The following CAMK2D variants were observed in gnomAD, a reference collection of about 807,000 sequenced individuals.
CAMK2D encodes calcium/calmodulin-dependent protein kinase type II subunit delta.
Under a neutral mutation model 84.0 loss-of-function variants are expected in CAMK2D, and 37 were observed. The observed-to-expected ratio is 0.44, with a 90% confidence interval of 0.34 to 0.58. The LOEUF (loss-of-function observed/expected upper bound fraction) is 0.58, where lower values mean the gene tolerates loss of function less well. Among genes scored for constraint, CAMK2D ranks in the 20% least tolerant of loss-of-function variants. The pLI, the probability that CAMK2D is intolerant of heterozygous loss-of-function variation, is 0.02. For missense variants in CAMK2D, 448 were observed against 652.5 expected (o/e 0.69, Z 3.41); for synonymous variants, 202 against 212.5 (o/e 0.95, Z 0.43).
At position 113,500,468 on chromosome 4, in the gene CAMK2D, A is replaced by G; in HGVS notation, c.1130T>C (p.Val377Ala). Residue 377 changes from valine to alanine, a missense_variant, in exon 16 of 21, where the codon GTG (valine) becomes GCG (alanine). Around this residue, in one of 7 missense-constraint regions of CAMK2D, gnomAD observed 219 missense variants for 272.1 expected, o/e 0.80. Coordinates refer to ENST00000511664, the MANE Select transcript of CAMK2D (RefSeq NM_001321571.2). Reference sequence around the variant, plus strand: ...CATTTCTGGTTAAATCATACCTTTCACATCTTCATCCTCAATTGTTGTATT... The same window carrying G: ...CATTTCTGGTTAAATCATACCTTTCGCATCTTCATCCTCAATTGTTGTATT... ...SSNTTIEDED[V>A]KARKQEIIKV... 6.3e-7 allele frequency: 1 copy of G among 1,589,740 alleles called. No homozygotes were observed. The highest frequency in any genetic ancestry group is 1.1e-5 in the South Asian group (1 of 89,974).
chr4:113,508,159 C>T, intron 13 of CAMK2D: 1 of 1,038,892 alleles, frequency 9.6e-7, no homozygotes, highest in Non-Finnish European at 1.5e-6. Flanking sequence ...CTTACTTACA[C>T]TATCTTAGGT....
At chr4:113,604,007 T>C (rs1057145771) in intron 4 of CAMK2D, among the ~76,000 whole-genome samples, 18 of 151,860 alleles carry the variant, frequency 1.2e-4, no homozygotes, top group Admixed American at 1.0e-3. Context: ...TTTGATTTTT[T>C]AGAAAGTAAA....
intron 16 of CAMK2D, among the ~76,000 whole-genome samples, chr4:113,475,042 T>C (rs538209799): frequency 1.3e-5 from 2 of 152,380 alleles, no homozygotes; most frequent in Non-Finnish European, 2.9e-5. Context: ...TTTACAGTCA[T>C]GATAGTAGGT....
At chr4:113,745,633 T>C (rs946101690) in intron 2 of CAMK2D, among the ~76,000 whole-genome samples, 2 of 152,238 alleles carry the variant, frequency 1.3e-5, no homozygotes, top group Non-Finnish European at 2.9e-5. Flanking sequence ...ATAGTAGATA[T>C]AGGCTGTCAC....
At chr4:113,712,925 C>A (rs1028560185) in intron 2 of CAMK2D, among the ~76,000 whole-genome samples, 1 of 151,840 alleles carries the variant, frequency 6.6e-6, no homozygotes, top group Non-Finnish European at 1.5e-5. Flanking sequence ...ACATGTATAT[C>A]CACAAATATG....
intron 4 of CAMK2D, among the ~76,000 whole-genome samples, chr4:113,591,333 T>C (rs1022524934): frequency 1.2e-4 from 18 of 152,168 alleles, no homozygotes; most frequent in Non-Finnish European, 2.1e-4. Flanking sequence ...AATCAGATTA[T>C]TGTAGTTATT....
intron 4 of CAMK2D, among the ~76,000 whole-genome samples, chr4:113,569,025 C>A (rs761493955): frequency 2.0e-5 from 3 of 151,748 alleles, no homozygotes; most frequent in Non-Finnish European, 4.4e-5. Flanking sequence ...AATATTTTCT[C>A]CTATTCTATA....
chr4:113,661,665 A>T (rs1257605800), intron 3 of CAMK2D, 48 bp downstream of exon 3: 4 of 837,832 alleles, frequency 4.8e-6, no homozygotes, highest in Non-Finnish European at 5.5e-6. Context: ...GGTAAATAAC[A>T]TAAAATTTTA....
chr4:113,685,141 T>A (rs2099355971), intron 2 of CAMK2D, among the ~76,000 whole-genome samples: 1 of 151,992 alleles, frequency 6.6e-6, no homozygotes, highest in Admixed American at 6.6e-5. Flanking sequence ...TCTCCTAGCA[T>A]CCTCTAAATG....
At chr4:113,578,294 A>G (rs1385603793) in intron 4 of CAMK2D, among the ~76,000 whole-genome samples, 1 of 152,146 alleles carries the variant, frequency 6.6e-6, no homozygotes, top group Non-Finnish European at 1.5e-5. Context: ...TGGCCAGAAG[A>G]GAAAAAGAAA....
At chr4:113,517,734 T>C in intron 8 of CAMK2D, 77 bp from the exon 9 acceptor site, 1 of 709,206 alleles carries the variant, frequency 1.4e-6, no homozygotes, top group Non-Finnish European at 2.5e-6. Flanking sequence ...TCCACAATGA[T>C]ATTAAGCCGT....
chr4:113,481,424 A>AGAG (rs1231992032), intron 16 of CAMK2D, among the ~76,000 whole-genome samples: 1 of 152,240 alleles, frequency 6.6e-6, no homozygotes, highest in Non-Finnish European at 1.5e-5. Flanking sequence ...ATAAATATAA[A>AGAG]GAGAAAAGTA....
At chr4:113,642,586 T>C (rs1038990732) in intron 3 of CAMK2D, among the ~76,000 whole-genome samples, 4 of 152,210 alleles carry the variant, frequency 2.6e-5, no homozygotes, top group Non-Finnish European at 5.9e-5. Flanking sequence ...GTGAAGCTAT[T>C]TATCCCTCCT....
At chr4:113,485,181 G>A (rs181149091) in intron 16 of CAMK2D, among the ~76,000 whole-genome samples, 95 of 152,256 alleles carry the variant, frequency 6.2e-4, no homozygotes, top group Non-Finnish European at 8.8e-5. Flanking sequence ...ATAATGTAAG[G>A]TAAAGTCTTT....
At chr4:113,750,859 T>C (rs1325883946) in intron 2 of CAMK2D, among the ~76,000 whole-genome samples, 2 of 151,800 alleles carry the variant, frequency 1.3e-5, no homozygotes, top group Non-Finnish European at 2.9e-5. Flanking sequence ...TTAAAAAAAA[T>C]AAAACAAACA....
chr4:113,669,767 G>C (rs989999252), intron 2 of CAMK2D, among the ~76,000 whole-genome samples: 1 of 152,136 alleles, frequency 6.6e-6, no homozygotes, highest in African/African-American at 2.4e-5. Context: ...ATTTAGGCAG[G>C]AGGAGTAAAC....
intron 2 of CAMK2D, among the ~76,000 whole-genome samples, chr4:113,697,439 T>C (rs1268723919): frequency 6.6e-6 from 1 of 152,116 alleles, no homozygotes; most frequent in Non-Finnish European, 1.5e-5. Flanking sequence ...GCCAGGAGTT[T>C]GAATTTGAAT....
At chr4:113,496,353 G>T (rs1399339037) in intron 16 of CAMK2D, among the ~76,000 whole-genome samples, 1 of 151,118 alleles carries the variant, frequency 6.6e-6, no homozygotes, top group African/African-American at 2.4e-5. Flanking sequence ...CCAGTTAGTT[G>T]TAAGAAGAAA....
intron 8 of CAMK2D, among the ~76,000 whole-genome samples, chr4:113,524,346 A>G (rs891729245): frequency 5.9e-5 from 9 of 152,166 alleles, no homozygotes; most frequent in Non-Finnish European, 1.3e-4. Context: ...TGTTTCTATG[A>G]AAGTGACTGT....
Sources: allele counts gnomAD v4.1 joint callset (sites outside exome capture counted in the v4.1 genomes callset), GRCh38; gene constraint gnomAD v4.1.1; regional missense constraint gnomAD v4.1.1; transcripts MANE v1.5; gene names NCBI Gene and HGNC (gene_info 2026-07-23, HGNC 2026-07-21).